The following PEX13 variants were observed in gnomAD, a reference collection of about 807,000 sequenced individuals.
PEX13 encodes peroxisomal biogenesis factor 13.
PEX13 carries 28 observed loss-of-function variants against 34.5 expected under a neutral mutation model. The observed-to-expected ratio is 0.81, with a 90% CI of 0.60 to 1.11. The LOEUF (loss-of-function observed/expected upper bound fraction) is 1.11, where lower values mean the gene tolerates loss of function less well. PEX13 is among the 50% of genes most tolerant of loss of function. The pLI is 0.00. For missense variants in PEX13, 550 were observed against 491.0 expected (o/e 1.12, Z -1.13); for synonymous variants, 177 against 175.1 (o/e 1.01, Z -0.09).
intron 1 of PEX13, among the ~76,000 whole-genome samples, chr2:61,028,320 G>A (rs1680393772): frequency 6.6e-6 from 1 of 151,966 alleles, no homozygotes; most frequent in Non-Finnish European, 1.5e-5. Flanking sequence ...TTAATAGGAG[G>A]CGAAATAAGA....
At chr2:61,046,777 A>G (rs1680709609) in intron 3 of PEX13, among the ~76,000 whole-genome samples, 1 of 152,192 alleles carries the variant, frequency 6.6e-6, no homozygotes, top group South Asian at 2.1e-4. Context: ...CTGTTTTTTC[A>G]TGGAAGGATC....
intron 2 of PEX13, among the ~76,000 whole-genome samples, chr2:61,037,402 G>C (rs1680553747): frequency 1.3e-5 from 2 of 152,150 alleles, no homozygotes; most frequent in Non-Finnish European, 2.9e-5. Flanking sequence ...TAAAAGAACA[G>C]AAATCACAAC....
rs1680745521 is a variant in PEX13, at chr2:61,048,538, C to T, written c.980C>T (p.Pro327Leu). The change falls in exon 4 of 4, where the codon CCT (proline) becomes CTT (leucine). Residue 327 changes from proline (P) to leucine (L), a missense_variant. Coordinates refer to ENST00000295030, the MANE Select transcript of PEX13 (RefSeq NM_002618.4). ...GATGGCCAAACAACAGGACTTATAC[C>T]TGCGAATTATGTCAAAATTCTTGGC... ...SLDGQTTGLI[P>L]ANYVKILGKR... The T allele has an allele frequency of 6.2e-7, 1 of 1,614,032 alleles. No individual in the cohort carries two copies. Among genetic ancestry groups the T allele is most frequent in the Non-Finnish European group, 8.5e-7 (1 of 1,179,936 alleles).
chr2:61,046,228 T>G (rs1162140592), intron 3 of PEX13, among the ~76,000 whole-genome samples: 3 of 152,278 alleles, frequency 2.0e-5, no homozygotes, highest in Non-Finnish European at 4.4e-5. Context: ...CCTTGTGGAC[T>G]GGTGTTGCTT....
intron 2 of PEX13, among the ~76,000 whole-genome samples, chr2:61,041,001 G>A (rs1347942078): frequency 1.3e-5 from 2 of 151,978 alleles, no homozygotes; most frequent in African/African-American, 2.4e-5. Context: ...GCTTGGCTCA[G>A]CATGGCAGTG....
At chr2:61,038,361 A>G (rs1444919676) in intron 2 of PEX13, among the ~76,000 whole-genome samples, 1 of 152,186 alleles carries the variant, frequency 6.6e-6, no homozygotes, top group Non-Finnish European at 1.5e-5. Context: ...CCTCAATAAA[A>G]TATTGGCCAA....
Position 61,050,341 on chromosome 2 carries a change from A to G in PEX13, c.*1571A>G, listed in dbSNP as rs1573563005. 3 of 152,226 alleles carry G rather than the reference A, an allele frequency of 2.0e-5. No individual in the cohort carries two copies. Among genetic ancestry groups the G allele is most frequent in the African/African-American group, 7.2e-5 (3 of 41,424 alleles). The allele number at this position is 152,226 out of a possible 1,614,324, so 9.4% of individuals were successfully genotyped here. On this transcript the variant is annotated 3_prime_UTR_variant, in exon 4 of 4. Coordinates refer to ENST00000295030, the MANE Select transcript of PEX13 (RefSeq NM_002618.4). ...CAGGGAGCTGAGATCATGCCACTGC[A>G]CTCCAGCCTAGGGGACAGAGCAAGA...
intron 3 of PEX13, among the ~76,000 whole-genome samples, chr2:61,047,480 T>C (rs1465039703): frequency 2.0e-5 from 3 of 152,192 alleles, no homozygotes; most frequent in Non-Finnish European, 4.4e-5. Flanking sequence ...ATAGGGAAAA[T>C]AGCAATTTAC....
rs1021829060 is a variant in PEX13, at chr2:61,035,970, C to T, written c.787+3857C>T. 7.3e-5 allele frequency among the ~76,000 whole-genome samples: 10 copies of T among 136,240 alleles called. No individual in the cohort carries two copies. The East Asian group carries it at 1.3e-3, about 17-fold the overall frequency. The allele number at this position is 136,240 out of a possible 152,430, so 89.4% of individuals were successfully genotyped here. A position where few individuals can be genotyped will look rare whatever the true frequency, so the allele number is the denominator to read the frequency against. On this transcript the variant is annotated intron_variant, in intron 2 of 3. Coordinates refer to ENST00000295030, the MANE Select transcript of PEX13 (RefSeq NM_002618.4). ...TGCACTCCAGCCTGGGCAACAAGAGCGAAACTCCATCTTAAAAAAAAAAAA... is the reference window on the plus strand; with the variant it reads ...TGCACTCCAGCCTGGGCAACAAGAGTGAAACTCCATCTTAAAAAAAAAAAA...
intron 1 of PEX13, among the ~76,000 whole-genome samples, chr2:61,028,246 T>A (rs752900323): frequency 6.6e-6 from 1 of 152,196 alleles, no homozygotes; most frequent in South Asian, 2.1e-4. Context: ...ACATCACTTA[T>A]GAATTATTCT....
intron 2 of PEX13, among the ~76,000 whole-genome samples, chr2:61,040,565 A>G (rs1258236085): frequency 1.3e-5 from 2 of 151,942 alleles, no homozygotes; most frequent in Non-Finnish European, 2.9e-5. Context: ...GGCAGGGAGC[A>G]TCACACACTG....
rs932377569 is a variant in PEX13 at position 61,049,093 on chromosome 2, G to T, written c.*323G>T. 1.6e-5 allele frequency: 5 copies of T among 305,478 alleles called. No homozygotes were observed. In the Admixed American group the frequency reaches 2.4e-4, roughly 15 times the overall value. The allele number at this position is 305,478 out of a possible 1,614,324, so 18.9% of individuals were successfully genotyped here. A position where few individuals can be genotyped will look rare whatever the true frequency, so the allele number is the denominator to read the frequency against. ...GATGAACTATAGCATGCACAGTTTG[G>T]TACAGTAGAGATCATTAATACTTTT... On this transcript the variant is annotated 3_prime_UTR_variant, in exon 4 of 4. Transcript: ENST00000295030.
intron 1 of PEX13, among the ~76,000 whole-genome samples, chr2:61,030,174 A>G (rs1019858654): frequency 2.0e-5 from 3 of 152,216 alleles, no homozygotes; most frequent in African/African-American, 7.2e-5. Context: ...AATACTACGT[A>G]TTGTATGAGT....
rs1220556525 is a variant in PEX13 at position 61,050,986 on chromosome 2, A to C, written c.*2216A>C. On this transcript the variant is annotated 3_prime_UTR_variant, in exon 4 of 4. Transcript: ENST00000295030. ...GTAATTCTCGAATAGTTCAGATTAA[A>C]ACATACAGGAACCAAGTACATACCC... 3 of 152,372 alleles carry C rather than the reference A, an allele frequency of 2.0e-5. No homozygotes were observed. Among genetic ancestry groups the C allele is most frequent in the African/African-American group, 4.8e-5 (2 of 41,468 alleles). 9.4% of individuals were successfully genotyped at this position (152,372 alleles called of 1,614,324 possible). A position where few individuals can be genotyped will look rare whatever the true frequency, so the allele number is the denominator to read the frequency against.
chr2:61,032,207 T>G, intron 2 of PEX13, 94 bp downstream of exon 2: 1 of 921,724 alleles, frequency 1.1e-6, no homozygotes, highest in East Asian at 2.6e-5. Context: ...TGATTTGTAT[T>G]TACTGTTTCC....
At chr2:61,032,840 A>G (rs1680474660) in intron 2 of PEX13, among the ~76,000 whole-genome samples, 1 of 152,208 alleles carries the variant, frequency 6.6e-6, no homozygotes, top group Non-Finnish European at 1.5e-5. Flanking sequence ...AACAAAAACT[A>G]TCAAGCTGAT....
intron 2 of PEX13, among the ~76,000 whole-genome samples, chr2:61,044,498 T>G (rs568183573): frequency 1.4e-4 from 22 of 152,312 alleles, no homozygotes; most frequent in African/African-American, 5.3e-4. Flanking sequence ...CAATTTCCCC[T>G]GTCTCAGCCT....
intron 1 of PEX13, chr2:61,018,451 T>C: frequency 2.3e-6 from 2 of 869,494 alleles, no homozygotes; most frequent in Non-Finnish European, 3.3e-6. Flanking sequence ...CAAAATAGTG[T>C]ATTTTTCTGA....
chr2:61,018,366 G>A, intron 1 of PEX13: 1 of 1,484,464 alleles, frequency 6.7e-7, no homozygotes, highest in Non-Finnish European at 9.0e-7. Flanking sequence ...CTCAGCCAGT[G>A]TTTCGGATCG....
Sources: allele counts gnomAD v4.1 joint callset (sites outside exome capture counted in the v4.1 genomes callset), GRCh38; gene constraint gnomAD v4.1.1; transcripts MANE v1.5; gene names NCBI Gene and HGNC (gene_info 2026-07-23, HGNC 2026-07-21).